Variants in L3MBTL1 observed in about 807,000 individuals in gnomAD.
L3MBTL1 encodes the protein lethal(3)malignant brain tumor-like protein 1.
In L3MBTL1, 75 loss-of-function variants were observed where a neutral mutation model predicts 105.3. The observed-to-expected ratio is 0.71, with a 90% CI of 0.59 to 0.86. L3MBTL1 has a LOEUF of 0.86. Ranked by LOEUF, L3MBTL1 falls within the 40% of genes least tolerant of loss-of-function variation. L3MBTL1 has a pLI of 0.00. For missense variants in L3MBTL1, 1,069 were observed against 1,126.4 expected (o/e 0.95, Z 0.73); for synonymous variants, 452 against 436.2 (o/e 1.04, Z -0.45).
downstream of L3MBTL1, among the ~76,000 whole-genome samples, chr20:43,545,847 T>C (rs1489297520): frequency 2.0e-5 from 3 of 152,210 alleles, no homozygotes; most frequent in East Asian, 5.8e-4. Context: ...AACTGTTTTC[T>C]CAGAGCTGCT....
chr20:43,515,669 A>C, intron 6 of L3MBTL1: 1 of 506,086 alleles, frequency 2.0e-6, no homozygotes, highest in Non-Finnish European at 3.5e-6. Context: ...CAGGTGAACT[A>C]GCACCCAAAG....
Position 43,530,838 on chromosome 20 carries a change from C to T in L3MBTL1, c.1233C>T (p.Arg411=). 6.2e-7 allele frequency: 1 copy of T among 1,614,174 alleles called. No homozygotes were observed. Among genetic ancestry groups the T allele is most frequent in the Non-Finnish European group, 8.5e-7 (1 of 1,180,016 alleles). ...AGTTCAGCTGGAGCCAGTACCTGCG[C>T]AGCACAAGAGCTCAGGCTGCCCCCA... The part of the protein sequence containing the change: ...EEEFSWSQYL[R]STRAQAAPKH... The change falls in exon 11 of 22, where the codon CGC becomes CGT. Residue 411 remains arginine (R), a synonymous_variant. Transcript: ENST00000418998.
chr20:43,531,111 C>A, intron 11 of L3MBTL1: 1 of 559,124 alleles, frequency 1.8e-6, no homozygotes, highest in Non-Finnish European at 3.2e-6. Flanking sequence ...TCCTTTGCTA[C>A]TGCAGATACC....
intron 11 of L3MBTL1, chr20:43,532,308 A>T: frequency 6.4e-6 from 1 of 155,640 alleles, no homozygotes; most frequent in Non-Finnish European, 1.4e-5. Flanking sequence ...GTTGTTGTAA[A>T]GGTCCAAGGA....
intron 3 of L3MBTL1, chr20:43,514,419 G>A: frequency 6.9e-7 from 1 of 1,457,818 alleles, no homozygotes; most frequent in Non-Finnish European, 9.1e-7. Context: ...GCTTAGAGTG[G>A]GGCACCCTGG....
At position 43,541,721 on chromosome 20, in the gene L3MBTL1, G is replaced by A. The variant is rs1235570748; in HGVS notation, c.*593G>A. The A allele has an allele frequency of 2.7e-6, 2 of 733,062 alleles. No individual in the cohort carries two copies. The highest frequency in any genetic ancestry group is 3.8e-5 in the African/African-American group (2 of 52,084). 45.4% of individuals were successfully genotyped at this position (733,062 alleles called of 1,614,324 possible). On this transcript the variant is annotated 3_prime_UTR_variant, in exon 22 of 22. Coordinates refer to ENST00000418998, the MANE Select transcript of L3MBTL1 (RefSeq NM_001377303.1). ...GTATATGTTCCACTATAATCTTATGGGACCATGGTTTTAAATGTGGAATCA... is the reference window on the plus strand; with the variant it reads ...GTATATGTTCCACTATAATCTTATGAGACCATGGTTTTAAATGTGGAATCA...
chr20:43,531,891 G>C (rs1477537862), intron 11 of L3MBTL1: 1 of 152,018 alleles, frequency 6.6e-6, no homozygotes, highest in Non-Finnish European at 1.5e-5. Context: ...TTATTAGCTG[G>C]GCATGGTGCA....
At chr20:43,519,074 TC>T (rs544808792) in intron 7 of L3MBTL1, among the ~76,000 whole-genome samples, 10 of 151,572 alleles carry the variant, frequency 6.6e-5, no homozygotes, top group Middle Eastern at 3.4e-3. Flanking sequence ...CTAGGCATGG[TC>T]CCTGTAATCC....
At chr20:43,532,995 G>A (rs2019419956) in intron 12 of L3MBTL1, 71 bp downstream of exon 12, 1 of 1,494,032 alleles carries the variant, frequency 6.7e-7, no homozygotes, top group Admixed American at 1.7e-5. Flanking sequence ...TCATATCTCA[G>A]GTACCATGTG....
intron 13 of L3MBTL1, 98 bp downstream of exon 13, chr20:43,533,516 A>G: frequency 1.0e-6 from 1 of 995,094 alleles, no homozygotes; most frequent in African/African-American, 1.6e-5. Flanking sequence ...CTGGCTCTCT[A>G]GGGTCAGGGT....
rs986514791 is a variant in L3MBTL1 at position 43,519,919 on chromosome 20, T to G, written c.862+3742T>G. ...ATACATTTTTATAAGGTACCGGTTC[T>G]TAATAGCTTTACTGAGATACAATTC... is the stretch of plus-strand genomic sequence containing the variant. On this transcript the variant is annotated intron_variant, in intron 7 of 21. Coordinates refer to ENST00000418998, the MANE Select transcript of L3MBTL1 (RefSeq NM_001377303.1). Among the ~76,000 whole-genome samples, 22 of 152,238 alleles carry G rather than the reference T, an allele frequency of 1.4e-4. 1 individual carries two copies. The highest frequency in any genetic ancestry group is 4.6e-4 in the Admixed American group (7 of 15,284).
At chr20:43,513,785 G>A in intron 2 of L3MBTL1, 53 bp from the exon 3 acceptor site, 1 of 1,540,818 alleles carries the variant, frequency 6.5e-7, no homozygotes, top group Non-Finnish European at 8.8e-7. Context: ...GCCGGATTGA[G>A]GTAGGGCCAC....
At chr20:43,542,626 A>G (rs1288950833), downstream of L3MBTL1, among the ~76,000 whole-genome samples, 13 of 151,776 alleles carry the variant, frequency 8.6e-5, no homozygotes, top group Admixed American at 2.6e-4. Flanking sequence ...AAAAAAAAAA[A>G]AAAAGAAAAG....
At chr20:43,530,729 A>G in intron 10 of L3MBTL1, 69 bp from the exon 11 acceptor site, 1 of 1,418,556 alleles carries the variant, frequency 7.0e-7, no homozygotes, top group Middle Eastern at 2.3e-4. Flanking sequence ...CTGCTGCTTC[A>G]CTGTGGGGTG....
chr20:43,519,054 C>T (rs1038730487), intron 7 of L3MBTL1, among the ~76,000 whole-genome samples: 1 of 150,752 alleles, frequency 6.6e-6, no homozygotes, highest in African/African-American at 2.4e-5. Flanking sequence ...AAAAAGAATA[C>T]ACTTTAAGGC....
exon 19 of L3MBTL1, chr20:43,548,120 G>A (rs1337688753): frequency 7.7e-6 from 10 of 1,302,752 alleles, no homozygotes; most frequent in Non-Finnish European, 1.0e-5. Flanking sequence ...GATGATTGAC[G>A]GCGAGGCCTT....
chr20:43,533,885 G>T, intron 13 of L3MBTL1, 123 bp from the exon 14 acceptor site: 1 of 734,636 alleles, frequency 1.4e-6, no homozygotes, highest in South Asian at 1.6e-5. Context: ...TGGCTGTGGT[G>T]ATGGTGGGAG....
chr20:43,545,229 G>C (rs965018033), downstream of L3MBTL1, among the ~76,000 whole-genome samples: 1 of 152,036 alleles, frequency 6.6e-6, no homozygotes, highest in African/African-American at 2.4e-5. Flanking sequence ...GCCGGGTGTG[G>C]TGGCACATGC....
At chr20:43,532,639 C>T in intron 11 of L3MBTL1, 134 bp from the exon 12 acceptor site, 2 of 973,386 alleles carry the variant, frequency 2.1e-6, no homozygotes, top group Non-Finnish European at 1.5e-6. Context: ...TCTTTCCCAG[C>T]TTATTTCTCC....
Sources: gnomAD v4.1 joint callset for allele counts (sites outside exome capture counted in the v4.1 genomes callset) on GRCh38, gnomAD v4.1.1 for gene constraint, MANE v1.5 for transcripts, NCBI Gene and HGNC (gene_info 2026-07-23, HGNC 2026-07-21) for gene names.